The following B3GALT1 variants were observed in gnomAD, a reference collection of about 807,000 sequenced individuals.
The protein encoded by B3GALT1 is beta-1,3-galactosyltransferase 1.
In B3GALT1, 10 loss-of-function variants were observed where a neutral mutation model predicts 23.2. The observed-to-expected ratio is 0.43, with a 90% CI of 0.27 to 0.73. The LOEUF is 0.73. Among genes scored for constraint, B3GALT1 ranks in the 30% least tolerant of loss-of-function variants. The pLI is 0.21. For missense variants in B3GALT1, 299 were observed against 405.4 expected, an observed-to-expected ratio of 0.74 and a Z score of 2.25; for synonymous variants, 156 against 141.5, an observed-to-expected ratio of 1.10 and a Z score of -0.73.
intron 2 of B3GALT1, among the ~76,000 whole-genome samples, chr2:167,512,682 G>C (rs912633123): frequency 7.0e-6 from 1 of 143,492 alleles, no homozygotes; most frequent in Non-Finnish European, 1.5e-5. Context: ...AGTTGCCCAG[G>C]TTGGAGTGCA....
chr2:167,546,638 G>T (rs1683641410), intron 2 of B3GALT1, among the ~76,000 whole-genome samples: 1 of 152,030 alleles, frequency 6.6e-6, no homozygotes, highest in Non-Finnish European at 1.5e-5. Flanking sequence ...TTGAACAGAG[G>T]ATCTGCTGCA....
At chr2:167,597,111 G>GTTTTTTTT (rs1354123455) in intron 2 of B3GALT1, among the ~76,000 whole-genome samples, 1 of 135,610 alleles carries the variant, frequency 7.4e-6, no homozygotes, top group African/African-American at 2.9e-5. Flanking sequence ...TTTGTTTTTT[G>GTTTTTTTT]TTTTTGTTTT....
At chr2:167,404,615 T>C (rs1203015956) in intron 1 of B3GALT1, among the ~76,000 whole-genome samples, 1 of 152,184 alleles carries the variant, frequency 6.6e-6, no homozygotes, top group Non-Finnish European at 1.5e-5. Context: ...ATGTTCACTA[T>C]AATGTAAGTC....
chr2:167,835,172 C>T (rs201419177), intron 4 of B3GALT1, among the ~76,000 whole-genome samples: 2 of 152,062 alleles, frequency 1.3e-5, no homozygotes, highest in African/African-American at 4.8e-5. Context: ...GAGTGCCAGA[C>T]AGTGGGTGCA....
chr2:167,605,326 A>G (rs1335400658), intron 2 of B3GALT1, among the ~76,000 whole-genome samples: 4 of 152,180 alleles, frequency 2.6e-5, no homozygotes, highest in South Asian at 4.1e-4. Flanking sequence ...TCTTCTGAGT[A>G]TGTGGATTAT....
chr2:167,493,526 C>T (rs1258828939), intron 2 of B3GALT1, among the ~76,000 whole-genome samples: 1 of 152,150 alleles, frequency 6.6e-6, no homozygotes, highest in Non-Finnish European at 1.5e-5. Context: ...ACTAACTTCA[C>T]AGGGTATGGA....
chr2:167,778,775 G>C (rs559591822), intron 3 of B3GALT1, among the ~76,000 whole-genome samples: 3 of 152,266 alleles, frequency 2.0e-5, no homozygotes, highest in Non-Finnish European at 4.4e-5. Flanking sequence ...TTTGTGGGTG[G>C]CAAATCCTTT....
chr2:167,684,353 T>G (rs150111757), intron 3 of B3GALT1, among the ~76,000 whole-genome samples: 1 of 152,364 alleles, frequency 6.6e-6, no homozygotes, highest in East Asian at 1.9e-4. Flanking sequence ...CCTCCAAGCC[T>G]GAAACATTAC....
intron 2 of B3GALT1, among the ~76,000 whole-genome samples, chr2:167,580,701 A>G (rs1237907): frequency 0.063 from 9,655 of 152,228 alleles, 438 homozygotes; most frequent in South Asian, 0.19. Flanking sequence ...AAAAAAAATT[A>G]TTTACCAACA....
chr2:167,819,384 A>G (rs562978020), intron 4 of B3GALT1, among the ~76,000 whole-genome samples: 11 of 152,350 alleles, frequency 7.2e-5, no homozygotes, highest in South Asian at 6.2e-4. Flanking sequence ...AAAAGTCTCT[A>G]AAATAGTGAA....
chr2:167,699,578 A>C (rs1373436876), intron 3 of B3GALT1, among the ~76,000 whole-genome samples: 4 of 151,984 alleles, frequency 2.6e-5, no homozygotes, highest in Non-Finnish European at 5.9e-5. Flanking sequence ...TTTATGTCTA[A>C]ATGTTTAAAA....
intron 3 of B3GALT1, among the ~76,000 whole-genome samples, chr2:167,807,723 C>T (rs1688784709): frequency 6.6e-6 from 1 of 152,144 alleles, no homozygotes; most frequent in Non-Finnish European, 1.5e-5. Flanking sequence ...CTGAGGAGTG[C>T]TTTACTTCCA....
chr2:167,537,095 T>C (rs930641741), intron 2 of B3GALT1, among the ~76,000 whole-genome samples: 26 of 152,120 alleles, frequency 1.7e-4, no homozygotes, highest in African/African-American at 6.3e-4. Context: ...GAGGTTTAAT[T>C]GACTCACAGT....
rs551593789 is a variant in B3GALT1 at position 167,671,035 on chromosome 2, C to T, written c.-352+24069C>T. ...GACACCCAAAAAGGAGCAGGGATGG[C>T]TACACTTTTATCAGACAAAATAGAC... On this transcript the variant is annotated intron_variant, in intron 3 of 4. Transcript: ENST00000392690. 1.1e-4 allele frequency among the ~76,000 whole-genome samples: 16 copies of T among 152,140 alleles called. 1 individual carries two copies. The South Asian group carries it at 3.3e-3, about 32-fold the overall frequency.
chr2:167,549,769 C>A (rs550523990), intron 2 of B3GALT1, among the ~76,000 whole-genome samples: 11 of 152,242 alleles, frequency 7.2e-5, no homozygotes, highest in African/African-American at 2.6e-4. Flanking sequence ...CTTCTCTCAA[C>A]CTAATGTTAG....
rs146243142 is a variant in B3GALT1, at chr2:167,551,830, T to G, written c.-410+61553T>G. ...CAGACCGAAGTAGATATGTGAGAAG[T>G]GGCACTATGTCTCCCCTGTTGGAGG... On this transcript the variant is annotated intron_variant, in intron 2 of 4. Transcript: ENST00000392690. Among the ~76,000 whole-genome samples the G allele has an allele frequency of 5.5e-3, 831 of 152,136 alleles. 5 individuals are homozygous for G. The highest frequency in any genetic ancestry group is 0.018 in the African/African-American group (763 of 41,500).
chr2:167,732,245 A>C (rs1352967834), intron 3 of B3GALT1, among the ~76,000 whole-genome samples: 2 of 152,214 alleles, frequency 1.3e-5, no homozygotes, highest in Non-Finnish European at 1.5e-5. Flanking sequence ...TAAAATTGTA[A>C]ATTGGACATG....
intron 3 of B3GALT1, among the ~76,000 whole-genome samples, chr2:167,807,813 T>C (rs978898018): frequency 1.3e-5 from 2 of 152,252 alleles, no homozygotes; most frequent in African/African-American, 4.8e-5. Context: ...TAGAGAGTTC[T>C]GTAGATATCT....
chr2:167,838,871 A>G (rs1453890475), intron 4 of B3GALT1, among the ~76,000 whole-genome samples: 3 of 152,366 alleles, frequency 2.0e-5, no homozygotes, highest in Non-Finnish European at 2.9e-5. Flanking sequence ...GGCTGGTTCA[A>G]TATACGCAAA....
Sources: gnomAD v4.1 joint callset for allele counts (sites outside exome capture counted in the v4.1 genomes callset) on GRCh38, gnomAD v4.1.1 for gene constraint, MANE v1.5 for transcripts, NCBI Gene and HGNC (gene_info 2026-07-23, HGNC 2026-07-21) for gene names.